Variants in SLC4A4 observed in about 807,000 individuals in gnomAD.
SLC4A4 encodes electrogenic sodium bicarbonate cotransporter 1.
SLC4A4 carries 27 observed loss-of-function variants against 111.5 expected under a neutral mutation model. The observed-to-expected ratio is 0.24, with a 90% CI of 0.18 to 0.33. SLC4A4 has a LOEUF of 0.33. SLC4A4 is among the 10% of genes least tolerant of loss of function. The probability of loss-of-function intolerance (pLI) is 1.00; values close to 1 mark genes in which losing one functional copy is unlikely to be tolerated. For missense variants in SLC4A4, 909 were observed against 1,315.5 expected, an observed-to-expected ratio of 0.69 and a Z score of 4.78; for synonymous variants, 443 against 463.4, an observed-to-expected ratio of 0.96 and a Z score of 0.57.
At chr4:71,487,050 T>A (rs188626466) in intron 15 of SLC4A4, 32 bp downstream of exon 15, 1 of 1,236,260 alleles carries the variant, frequency 8.1e-7, no homozygotes, top group Admixed American at 1.7e-5. Flanking sequence ...ATTACCTTCA[T>A]ACTGACTGCA....
chr4:71,063,767 G>A (rs1014911382), intron 1 of SLC4A4, among the ~76,000 whole-genome samples: 1 of 152,112 alleles, frequency 6.6e-6, no homozygotes, highest in Non-Finnish European at 1.5e-5. Flanking sequence ...TAGTGGTAAT[G>A]TAAAACAATT....
chr4:71,555,337 T>C, intron 21 of SLC4A4, 129 bp downstream of exon 21: 1 of 757,932 alleles, frequency 1.3e-6, no homozygotes, highest in South Asian at 1.4e-5. Flanking sequence ...ATTTATTTTC[T>C]ACTTCACCAT....
intron 6 of SLC4A4, among the ~76,000 whole-genome samples, chr4:71,379,217 T>C (rs1717853429): frequency 6.6e-6 from 1 of 152,224 alleles, no homozygotes; most frequent in Admixed American, 6.5e-5. Flanking sequence ...CTCAGGTTCA[T>C]GTTCCCTAGC....
rs200443844 is a variant in SLC4A4, at chr4:71,276,588, CT to C, written c.253+21198del. On this transcript the variant is annotated intron_variant, in intron 3 of 25. Coordinates refer to ENST00000264485, the MANE Select transcript of SLC4A4 (RefSeq NM_001098484.3). ...GCTTTTTTTTTTTTTAGATCTTCTTCTTTTTTTTTCCCACTAGCATAGTGCC... is the reference window on the plus strand; with the variant it reads ...GCTTTTTTTTTTTTTAGATCTTCTTCTTTTTTTTCCCACTAGCATAGTGCC... 2.2e-3 allele frequency among the ~76,000 whole-genome samples: 324 copies of C among 146,104 alleles called. 3 individuals are homozygous for C. The East Asian group carries it at 0.042, about 19-fold the overall frequency.
chr4:71,479,942 A>G (rs1728716779), intron 14 of SLC4A4, among the ~76,000 whole-genome samples: 4 of 151,652 alleles, frequency 2.6e-5, no homozygotes, highest in African/African-American at 4.8e-5. Flanking sequence ...GGTAATGTCT[A>G]TAACACATCT....
At chr4:71,413,774 G>A (rs973712625) in intron 7 of SLC4A4, among the ~76,000 whole-genome samples, 29 of 152,060 alleles carry the variant, frequency 1.9e-4, no homozygotes, top group African/African-American at 6.8e-4. Context: ...GCCCTTCTAG[G>A]TTCCTTCCAG....
At chr4:71,489,216 C>T (rs1169214719) in intron 15 of SLC4A4, among the ~76,000 whole-genome samples, 2 of 151,656 alleles carry the variant, frequency 1.3e-5, no homozygotes, top group East Asian at 1.9e-4. Flanking sequence ...GTTAACTGAC[C>T]TCCCAAAGAC....
intron 2 of SLC4A4, among the ~76,000 whole-genome samples, chr4:71,157,984 T>C (rs763074154): frequency 2.6e-5 from 4 of 152,128 alleles, no homozygotes; most frequent in Non-Finnish European, 4.4e-5. Context: ...TTTCATGAGA[T>C]ATTCCCTGTT....
chr4:71,318,441 A>G (rs918375033), intron 3 of SLC4A4, among the ~76,000 whole-genome samples: 3 of 152,056 alleles, frequency 2.0e-5, no homozygotes, highest in African/African-American at 7.2e-5. Context: ...GAATTCTTGG[A>G]CATAAACATC....
intron 6 of SLC4A4, among the ~76,000 whole-genome samples, chr4:71,377,523 C>T (rs547753084): frequency 5.3e-5 from 8 of 152,184 alleles, no homozygotes; most frequent in African/African-American, 1.9e-4. Context: ...GGTTTCATGA[C>T]AAGTCATGAA....
Position 71,397,787 on chromosome 4 carries a change from G to C in SLC4A4, c.807+134G>C, listed in dbSNP as rs916061065. 5.1e-6 allele frequency: 4 copies of C among 777,386 alleles called. No homozygotes were observed. The African/African-American group carries it at 6.9e-5, about 13-fold the overall frequency. 48.2% of individuals were successfully genotyped at this position (777,386 alleles called of 1,614,324 possible). On this transcript the variant is annotated intron_variant, in intron 7 of 25. Coordinates refer to ENST00000264485, the MANE Select transcript of SLC4A4 (RefSeq NM_001098484.3). ...GCAGACAACAGTTTGCACTTTCCTGGGCAGAAGGAGAAGCAGTGTGTGAAG... is the reference window on the plus strand; with the variant it reads ...GCAGACAACAGTTTGCACTTTCCTGCGCAGAAGGAGAAGCAGTGTGTGAAG...
chr4:71,450,584 A>G, intron 10 of SLC4A4, 41 bp downstream of exon 10: 1 of 1,587,076 alleles, frequency 6.3e-7, no homozygotes, highest in Non-Finnish European at 8.6e-7. Context: ...AGCTGAGATG[A>G]CTCTGAGAAG....
rs539609312 is a variant in SLC4A4, at chr4:71,102,508, G to T, written c.-2+9716G>T. ...GTTGAAATGAAGGAAAAATGTTAAG[G>T]GCAGGCAGAGAGAAAGGTCAGGTTA... is the stretch of plus-strand genomic sequence containing the variant. On this transcript the variant is annotated intron_variant, in intron 2 of 26. Coordinates refer to the SLC4A4 transcript ENST00000649996. Among the ~76,000 whole-genome samples, 304 of 152,192 alleles carry T rather than the reference G, an allele frequency of 2.0e-3. 1 individual carries two copies. In the Middle Eastern group the frequency reaches 0.027, roughly 14 times the overall value.
chr4:71,398,299 AAAAG>A (rs1720021232), intron 7 of SLC4A4, among the ~76,000 whole-genome samples: 1 of 151,958 alleles, frequency 6.6e-6, no homozygotes. Flanking sequence ...AAAAAAAAAA[AAAAG>A]AAATGCTAAG....
intron 3 of SLC4A4, among the ~76,000 whole-genome samples, chr4:71,261,766 T>C (rs13133668): frequency 0.68 from 103,717 of 152,144 alleles, 39,802 homozygotes; most frequent in Non-Finnish European, 0.87. Context: ...ATTCTAATAG[T>C]TATTCCATGT....
At chr4:71,536,480 A>AAATG (rs1734482481) in intron 18 of SLC4A4, among the ~76,000 whole-genome samples, 1 of 99,134 alleles carries the variant, frequency 1.0e-5, no homozygotes, top group East Asian at 4.4e-4. Flanking sequence ...ATATATATAT[A>AAATG]TATATATGTA....
intron 6 of SLC4A4, among the ~76,000 whole-genome samples, chr4:71,363,193 A>G (rs934160886): frequency 6.6e-6 from 1 of 152,230 alleles, no homozygotes; most frequent in African/African-American, 2.4e-5. Context: ...GTGGTTTGCA[A>G]TGCAGAACAA....
chr4:71,317,775 A>G (rs1256900473), intron 3 of SLC4A4, among the ~76,000 whole-genome samples: 2 of 152,052 alleles, frequency 1.3e-5, no homozygotes, highest in Non-Finnish European at 2.9e-5. Context: ...ACAAAGCTAC[A>G]TAACTGCTAA....
chr4:71,131,302 A>G (rs1179580607), intron 2 of SLC4A4, among the ~76,000 whole-genome samples: 1 of 152,118 alleles, frequency 6.6e-6, no homozygotes, highest in Non-Finnish European at 1.5e-5. Flanking sequence ...CCGTCCCTCT[A>G]AAGATGTTGG....
Sources: gnomAD v4.1 joint callset for allele counts (sites outside exome capture counted in the v4.1 genomes callset) on GRCh38, gnomAD v4.1.1 for gene constraint, MANE v1.5 for transcripts, NCBI Gene and HGNC (gene_info 2026-07-23, HGNC 2026-07-21) for gene names.